NCOA1: variants seen among roughly 807,000 people sequenced by gnomAD.
The protein encoded by NCOA1 is nuclear receptor coactivator 1, also known as Hin-2 protein.
Under a neutral mutation model 150.9 loss-of-function variants are expected in NCOA1, and 35 were observed. That is an observed-to-expected ratio of 0.23 (90% CI 0.18 to 0.31). The LOEUF (loss-of-function observed/expected upper bound fraction) is 0.31, where lower values mean the gene tolerates loss of function less well. Ranked by LOEUF, NCOA1 falls within the 10% of genes least tolerant of loss-of-function variation. NCOA1 has a pLI of 1.00. For missense variants in NCOA1, 1,491 were observed against 1,749.3 expected, an observed-to-expected ratio of 0.85 and a Z score of 2.63; for synonymous variants, 590 against 630.0, an observed-to-expected ratio of 0.94 and a Z score of 0.95.
chr2:24,676,783 C>A (rs1671930478), intron 7 of NCOA1, among the ~76,000 whole-genome samples: 1 of 151,960 alleles, frequency 6.6e-6, no homozygotes, highest in African/African-American at 2.4e-5. Flanking sequence ...AAGAAAGAAC[C>A]AAACTGATCT....
At chr2:24,617,822 T>C (rs1003133969) in intron 3 of NCOA1, among the ~76,000 whole-genome samples, 3 of 152,070 alleles carry the variant, frequency 2.0e-5, no homozygotes, top group African/African-American at 7.2e-5. Flanking sequence ...AAACAAAAAA[T>C]TGGAGCCAAT....
At chr2:24,646,062 T>G (rs1670458447) in intron 4 of NCOA1, among the ~76,000 whole-genome samples, 1 of 152,176 alleles carries the variant, frequency 6.6e-6, no homozygotes, top group African/African-American at 2.4e-5. Flanking sequence ...CTGTCTTTCC[T>G]CATTGTTCAG....
chr2:24,700,012 G>T (rs1042668954), intron 11 of NCOA1, among the ~76,000 whole-genome samples: 3 of 151,980 alleles, frequency 2.0e-5, no homozygotes, highest in Non-Finnish European at 4.4e-5. Context: ...GCATGGTGGC[G>T]CAGTCCTGTA....
chr2:24,665,140 AT>A (rs879939062), intron 5 of NCOA1, among the ~76,000 whole-genome samples: 20 of 150,924 alleles, frequency 1.3e-4, no homozygotes, highest in East Asian at 3.9e-4. Context: ...CTTACAAATC[AT>A]TTTTTTTTCT....
chr2:24,493,348 A>G (rs984780076), intron 1 of NCOA1, among the ~76,000 whole-genome samples: 8 of 152,198 alleles, frequency 5.3e-5, no homozygotes, highest in Admixed American at 4.6e-4. Context: ...AGTTGGGAAT[A>G]TATGGTTTAG....
intron 3 of NCOA1, among the ~76,000 whole-genome samples, chr2:24,625,144 T>C (rs148214987): frequency 1.0e-3 from 152 of 152,320 alleles, no homozygotes; most frequent in African/African-American, 3.5e-3. Context: ...GAAATTGAAT[T>C]TCATGTAATT....
At chr2:24,572,035 A>G (rs142850568) in intron 2 of NCOA1, among the ~76,000 whole-genome samples, 5 of 152,260 alleles carry the variant, frequency 3.3e-5, no homozygotes, top group East Asian at 1.9e-4. Context: ...TTGACTTTAC[A>G]TAGATTACAT....
At chr2:24,500,164 A>G (rs993101004) in intron 1 of NCOA1, among the ~76,000 whole-genome samples, 1 of 151,858 alleles carries the variant, frequency 6.6e-6, no homozygotes, top group Non-Finnish European at 1.5e-5. Context: ...GCTGGAGTGC[A>G]ATGGCGCGAT....
chr2:24,519,435 G>A (rs1416626677), intron 1 of NCOA1, among the ~76,000 whole-genome samples: 2 of 152,044 alleles, frequency 1.3e-5, no homozygotes, highest in Non-Finnish European at 2.9e-5. Flanking sequence ...ATTGACTATG[G>A]TGATGGTTAC....
chr2:24,762,020 A>T (rs923124287), intron 21 of NCOA1, among the ~76,000 whole-genome samples: 1 of 152,218 alleles, frequency 6.6e-6, no homozygotes, highest in Non-Finnish European at 1.5e-5. Flanking sequence ...GCCACTGCAG[A>T]TCTATTCCAG....
In NCOA1 at chr2:24,677,365, C is replaced by CA. The variant is rs200487873; in HGVS notation, c.354+3910dup. ...TCTCAAAAACAAAAAAACAAACAAA[C>CA]AAAAAAAACAAACCTGAGACTGGGT... On this transcript the variant is annotated intron_variant, in intron 7 of 22. Coordinates refer to ENST00000348332, the MANE Select transcript of NCOA1 (RefSeq NM_003743.5). 9.6e-3 allele frequency among the ~76,000 whole-genome samples: 1,452 copies of CA among 151,568 alleles called. 9 individuals carry two copies. The highest frequency in any genetic ancestry group is 0.015 in the Non-Finnish European group (1,011 of 67,806).
chr2:24,647,129 A>C (rs948027194), intron 4 of NCOA1, among the ~76,000 whole-genome samples: 1 of 152,112 alleles, frequency 6.6e-6, no homozygotes, highest in Non-Finnish European at 1.5e-5. Flanking sequence ...CCTAGTTTTT[A>C]GATGTGGTAT....
chr2:24,571,911 T>C lies in NCOA1; in HGVS notation c.-260+7481T>C, dbSNP rs533995899. Among the ~76,000 whole-genome samples the C allele has an allele frequency of 5.8e-4, 88 of 152,284 alleles. 1 individual carries two copies. Among genetic ancestry groups the C allele is most frequent in the African/African-American group, 2.0e-3 (83 of 41,566 alleles). ...GTAAGCAGTTCATTCATGGCTCATT[T>C]TACTTTTGATTACTTGATTTTATTG... On this transcript the variant is annotated intron_variant, in intron 2 of 22. Coordinates refer to ENST00000348332, the MANE Select transcript of NCOA1 (RefSeq NM_003743.5).
rs1230422775 is a variant in NCOA1, at chr2:24,658,746, A to G, written c.69A>G (p.Pro23=). The G allele has an allele frequency of 1.2e-6, 2 of 1,614,000 alleles. No homozygotes were observed. The highest frequency in any genetic ancestry group is 1.3e-5 in the African/African-American group (1 of 74,930). The stretch of plus-strand genomic sequence containing the variant: ...ACTCACATAAGAGGAAAGGATCGCC[A>G]TGTGACACACTGGCATCAAGGTAGG... ...NPDSHKRKGS[P]CDTLASSTEK... The change falls in exon 5 of 23, where the codon CCA becomes CCG. Residue 23 remains proline, a synonymous_variant. Transcript: ENST00000348332.
At chr2:24,544,358 A>G (rs1312123502) in intron 1 of NCOA1, among the ~76,000 whole-genome samples, 1 of 152,188 alleles carries the variant, frequency 6.6e-6, no homozygotes, top group Admixed American at 6.6e-5. Context: ...TTTGGAAAGT[A>G]AAGTTGTGGA....
At chr2:24,499,630 T>G (rs139233219) in intron 1 of NCOA1, among the ~76,000 whole-genome samples, 159 of 152,370 alleles carry the variant, frequency 1.0e-3, no homozygotes, top group African/African-American at 3.7e-3. Flanking sequence ...TAAAAATGTC[T>G]CTTTGTATAA....
At chr2:24,589,551 C>T (rs1040169730) in intron 3 of NCOA1, among the ~76,000 whole-genome samples, 2 of 151,832 alleles carry the variant, frequency 1.3e-5, no homozygotes, top group Non-Finnish European at 2.9e-5. Context: ...CTCAATCTTC[C>T]TGTGTTTCTG....
rs539416154 is a variant in NCOA1 at position 24,522,425 on chromosome 2, T to G, written c.-396+30823T>G. On this transcript the variant is annotated intron_variant, in intron 1 of 22. Coordinates refer to ENST00000348332, the MANE Select transcript of NCOA1 (RefSeq NM_003743.5). ...CAGCCTCATAAAAATGAAGAAAATA[T>G]GGACCTTGCCCTCAAGGAACTCTCC... Among the ~76,000 whole-genome samples, 4 of 152,214 alleles carry G rather than the reference T, an allele frequency of 2.6e-5. No individual in the cohort carries two copies. In the East Asian group the frequency reaches 7.7e-4, roughly 29 times the overall value.
chr2:24,734,222 A>G (rs1037333626), intron 17 of NCOA1, among the ~76,000 whole-genome samples: 2 of 151,908 alleles, frequency 1.3e-5, no homozygotes, highest in Non-Finnish European at 2.9e-5. Flanking sequence ...ACTGTTCAAA[A>G]CTTAGAAGAT....
Sources: gnomAD v4.1 joint callset for allele counts (sites outside exome capture counted in the v4.1 genomes callset) on GRCh38, gnomAD v4.1.1 for gene constraint, MANE v1.5 for transcripts, NCBI Gene and HGNC (gene_info 2026-07-23, HGNC 2026-07-21) for gene names.